Variants in IGSF5 observed in about 807,000 individuals in gnomAD.
IGSF5 encodes the protein immunoglobulin superfamily 5 like.
Under a neutral mutation model 39.4 loss-of-function variants are expected in IGSF5, and 41 were observed. The observed-to-expected ratio is 1.04, with a 90% CI of 0.81 to 1.35. The LOEUF is 1.35. IGSF5 is among the 40% of genes most tolerant of loss of function. IGSF5 has a pLI of 0.00. For synonymous variants in IGSF5, 183 were observed against 175.3 expected (o/e 1.04, Z -0.34); for missense variants, 487 against 494.6 (o/e 0.98, Z 0.15).
At chr21:39,714,602 C>A in the IGSF5 span, among the ~76,000 whole-genome samples, 1 of 152,344 alleles carries the variant, frequency 6.6e-6, no homozygotes, top group Non-Finnish European at 1.5e-5. Context: ...CTACTCCAGG[C>A]TCTCCCACAG....
intron 4 of IGSF5, among the ~76,000 whole-genome samples, chr21:39,775,557 A>G (rs1275198854): frequency 2.0e-5 from 3 of 152,272 alleles, no homozygotes; most frequent in Admixed American, 6.5e-5. Flanking sequence ...GGGAAATGCT[A>G]TTTTCCTTTT....
chr21:39,741,353 T>C (rs2079948116), upstream of IGSF5, among the ~76,000 whole-genome samples: 1 of 152,208 alleles, frequency 6.6e-6, no homozygotes, highest in Non-Finnish European at 1.5e-5. Flanking sequence ...TTAGTTGCTT[T>C]AGGGTTTTGG....
At chr21:39,729,667 A>G in the IGSF5 span, 1 of 152,294 alleles carries the variant, frequency 6.6e-6, no homozygotes, top group Admixed American at 6.5e-5. Flanking sequence ...AAGTGTGATC[A>G]GTCAGCAGGT....
upstream of IGSF5, among the ~76,000 whole-genome samples, chr21:39,742,437 A>T (rs1362096462): frequency 6.6e-6 from 1 of 152,158 alleles, no homozygotes; most frequent in Non-Finnish European, 1.5e-5. Context: ...GAGACAGTTA[A>T]CCTCTTGGCT....
the IGSF5 span, among the ~76,000 whole-genome samples, chr21:39,720,467 C>G: frequency 6.6e-6 from 1 of 152,174 alleles, no homozygotes; most frequent in African/African-American, 2.4e-5. Context: ...CCCAATTTCC[C>G]CCATAATTAA....
At chr21:39,779,676 A>G (rs117341580) in intron 5 of IGSF5, among the ~76,000 whole-genome samples, 1,822 of 152,372 alleles carry the variant, frequency 0.012, 18 homozygotes, top group Non-Finnish European at 0.017. Flanking sequence ...ATGAATGGAT[A>G]AAGAAAATGT....
intron 2 of IGSF5, among the ~76,000 whole-genome samples, chr21:39,747,118 C>A (rs577722434): frequency 6.6e-6 from 1 of 152,180 alleles, no homozygotes; most frequent in Admixed American, 6.5e-5. Flanking sequence ...AAGTCATACC[C>A]GAGACCGGGA....
upstream of IGSF5, among the ~76,000 whole-genome samples, chr21:39,740,826 C>A (rs1161484784): frequency 6.6e-6 from 1 of 152,190 alleles, no homozygotes; most frequent in Non-Finnish European, 1.5e-5. Context: ...AGTAATAGAG[C>A]CTGATATTTA....
intron 5 of IGSF5, among the ~76,000 whole-genome samples, chr21:39,781,051 T>C (rs574595634): frequency 2.0e-5 from 3 of 152,210 alleles, no homozygotes; most frequent in Non-Finnish European, 2.9e-5. Flanking sequence ...CTAACTCTTT[T>C]ACATGGAGTA....
the IGSF5 span, among the ~76,000 whole-genome samples, chr21:39,735,918 A>G: frequency 1.3e-5 from 2 of 152,096 alleles, no homozygotes; most frequent in East Asian, 3.9e-4. Context: ...TCACTCCACA[A>G]TCTTCGCCCA....
chr21:39,724,107 TAA>T, the IGSF5 span, among the ~76,000 whole-genome samples: 1 of 151,148 alleles, frequency 6.6e-6, no homozygotes, highest in Non-Finnish European at 1.5e-5. Flanking sequence ...TAAAATAAAA[TAA>T]AATAAAATAA....
At chr21:39,741,266 C>T (rs2079947775), upstream of IGSF5, among the ~76,000 whole-genome samples, 3 of 152,134 alleles carry the variant, frequency 2.0e-5, no homozygotes, top group African/African-American at 7.2e-5. Context: ...CCTTAATTAG[C>T]GTATATAACG....
chr21:39,745,378 A>G lies in IGSF5; in HGVS notation c.-132A>G. On this transcript the variant is annotated 5_prime_UTR_variant, in exon 1 of 9. The change creates a new upstream start codon in the 5' untranslated region. Coordinates refer to ENST00000380588, the MANE Select transcript of IGSF5 (RefSeq NM_001080444.2). ...GGCTTCCTTAGATCCCTTTGGAGAT[A>G]CAACCTGCTAGAGGAAATGAAAGTC... 1.6e-6 allele frequency: 1 copy of G among 614,262 alleles called. No homozygotes were observed. Among genetic ancestry groups the G allele is most frequent in the East Asian group, 2.9e-5 (1 of 34,756 alleles). The allele number at this position is 614,262 out of a possible 1,614,324, so 38.1% of individuals were successfully genotyped here. A position where few individuals can be genotyped will look rare whatever the true frequency, so the allele number is the denominator to read the frequency against.
At chr21:39,772,544 T>C (rs2080120511) in intron 4 of IGSF5, among the ~76,000 whole-genome samples, 1 of 152,222 alleles carries the variant, frequency 6.6e-6, no homozygotes, top group Non-Finnish European at 1.5e-5. Flanking sequence ...CTCCCCTTGT[T>C]CCTTGTGGTT....
chr21:39,727,604 C>T, the IGSF5 span, among the ~76,000 whole-genome samples: 4 of 152,226 alleles, frequency 2.6e-5, no homozygotes, highest in Admixed American at 6.5e-5. Flanking sequence ...AAATCTAGGA[C>T]GTGCGGTGGA....
chr21:39,775,804 AG>A (rs1466307062), intron 4 of IGSF5, among the ~76,000 whole-genome samples: 1 of 152,206 alleles, frequency 6.6e-6, no homozygotes, highest in Non-Finnish European at 1.5e-5. Flanking sequence ...CACCCTCCAT[AG>A]GGTACAAGGC....
chr21:39,798,040 T>G (rs1179338623), intron 8 of IGSF5, among the ~76,000 whole-genome samples: 1 of 152,222 alleles, frequency 6.6e-6, no homozygotes, highest in Non-Finnish European at 1.5e-5. Context: ...GGAAATTTGA[T>G]GTGCCAGGGT....
At chr21:39,751,437 A>G (rs2080005169) in intron 2 of IGSF5, 1 of 152,232 alleles carries the variant, frequency 6.6e-6, no homozygotes, top group South Asian at 2.1e-4. Flanking sequence ...GTTTCCCAGG[A>G]AAGTTCTGGA....
At chr21:39,738,849 A>C in the IGSF5 span, among the ~76,000 whole-genome samples, 5 of 151,944 alleles carry the variant, frequency 3.3e-5, no homozygotes, top group Non-Finnish European at 7.4e-5. The surrounding 1 kb of genome is among the most constrained non-coding windows in gnomAD (Gnocchi z 6.4). Flanking sequence ...TCACAAGGGA[A>C]ATTTATGCCC....
Sources: gnomAD v4.1 joint callset for allele counts (sites outside exome capture counted in the v4.1 genomes callset) on GRCh38, gnomAD v4.1.1 for gene constraint, Gnocchi (gnomAD v3.1) non-coding constraint, MANE v1.5 for transcripts, NCBI Gene and HGNC (gene_info 2026-07-23, HGNC 2026-07-21) for gene names.